ADD3: variants seen among roughly 807,000 people sequenced by gnomAD.
The protein encoded by ADD3 is gamma-adducin.
A neutral mutation model predicts 80.2 loss-of-function variants in ADD3; 25 were observed. That is an observed-to-expected ratio of 0.31 (90% CI 0.23 to 0.44). ADD3 has a LOEUF of 0.44. ADD3 is among the 20% of genes least tolerant of loss of function. ADD3 has a pLI of 1.00. For synonymous variants in ADD3, 284 were observed against 289.6 expected, an observed-to-expected ratio of 0.98 and a Z score of 0.20; for missense variants, 829 against 847.5, an observed-to-expected ratio of 0.98 and a Z score of 0.27.
intron 13 of ADD3, among the ~76,000 whole-genome samples, chr10:110,130,717 A>G (rs556532574): frequency 1.3e-5 from 2 of 152,204 alleles, no homozygotes; most frequent in African/African-American, 2.4e-5. Context: ...TTAGCCGGGC[A>G]TGGTGGTACA....
chr10:110,083,675 A>T (rs183470252), intron 1 of ADD3, among the ~76,000 whole-genome samples: 6 of 152,138 alleles, frequency 3.9e-5, no homozygotes, highest in Non-Finnish European at 7.4e-5. Context: ...TAGAAGCCCC[A>T]GGCTGATAGC....
intron 8 of ADD3, among the ~76,000 whole-genome samples, chr10:110,121,484 C>CAATA (rs999962822): frequency 4.0e-4 from 60 of 151,482 alleles, no homozygotes; most frequent in Admixed American, 1.8e-3. Flanking sequence ...ACTCAGTCCT[C>CAATA]AATAAATAAA....
upstream of ADD3, among the ~76,000 whole-genome samples, chr10:110,006,842 T>A (rs548334782): frequency 1.3e-5 from 2 of 151,540 alleles, no homozygotes; most frequent in African/African-American, 4.9e-5. Flanking sequence ...TTGTCGCCAG[T>A]GCCTTGGAAA....
intron 1 of ADD3, among the ~76,000 whole-genome samples, chr10:110,009,089 A>G (rs1339526956): frequency 6.6e-6 from 1 of 152,288 alleles, no homozygotes; most frequent in Middle Eastern, 3.4e-3. Context: ...CAGAGATTTA[A>G]TTGCAAGTAG....
chr10:110,107,093 TGA>T (rs1849476545), intron 2 of ADD3, among the ~76,000 whole-genome samples: 1 of 152,074 alleles, frequency 6.6e-6, no homozygotes, highest in African/African-American at 2.4e-5. Flanking sequence ...AATTGAGCAC[TGA>T]ACTACACACT....
At chr10:110,116,913 A>G (rs1590195037) in intron 4 of ADD3, among the ~76,000 whole-genome samples, 1 of 152,252 alleles carries the variant, frequency 6.6e-6, no homozygotes, top group African/African-American at 2.4e-5. Flanking sequence ...CAGTCCATCA[A>G]GAATCTTTCT....
At position 110,009,260 on chromosome 10, in the gene ADD3, T is replaced by C. The variant is rs114049247; in HGVS notation, c.-30+961T>C. Reference sequence around the variant, plus strand: ...GGAAGGAATTGATAAGATTCTGGGGTATGGGACTAGCTACATACACGTGCG... The same window carrying C: ...GGAAGGAATTGATAAGATTCTGGGGCATGGGACTAGCTACATACACGTGCG... On this transcript the variant is annotated intron_variant, in intron 1 of 14. Coordinates refer to ENST00000356080, the MANE Select transcript of ADD3 (RefSeq NM_016824.5). Among the ~76,000 whole-genome samples, 1,161 of 152,146 alleles carry C rather than the reference T, an allele frequency of 7.6e-3. 17 individuals are homozygous for C. The highest frequency in any genetic ancestry group is 0.027 in the African/African-American group (1,108 of 41,506).
chr10:110,043,404 G>C (rs1856584395), intron 1 of ADD3, among the ~76,000 whole-genome samples: 1 of 151,954 alleles, frequency 6.6e-6, no homozygotes, highest in Non-Finnish European at 1.5e-5. Flanking sequence ...GTTGCATTTG[G>C]ATGTTTCTAG....
intron 1 of ADD3, among the ~76,000 whole-genome samples, chr10:110,063,784 A>ATAG (rs1230336153): frequency 9.4e-5 from 5 of 53,282 alleles, no homozygotes; most frequent in Admixed American, 6.1e-4. Context: ...TATATATATA[A>ATAG]AGTGAACACC....
chr10:110,096,421 A>G (rs1848161346), intron 1 of ADD3, among the ~76,000 whole-genome samples: 1 of 152,234 alleles, frequency 6.6e-6, no homozygotes, highest in South Asian at 2.1e-4. Context: ...TTACAGCACC[A>G]GTAACACCAG....
At chr10:110,004,384 A>G (rs1481564887), upstream of ADD3, among the ~76,000 whole-genome samples, 3 of 151,966 alleles carry the variant, frequency 2.0e-5, no homozygotes, top group Non-Finnish European at 4.4e-5. Context: ...AATACATAAA[A>G]TTAGCTGGGT....
chr10:110,083,815 G>C (rs1365844789), intron 1 of ADD3, among the ~76,000 whole-genome samples: 1 of 152,092 alleles, frequency 6.6e-6, no homozygotes, highest in Non-Finnish European at 1.5e-5. Flanking sequence ...AAGGATCCCA[G>C]GGTTGTAGTA....
At chr10:110,079,115 G>C (rs2501578) in intron 1 of ADD3, 90,668 of 151,860 alleles carry the variant, frequency 0.6, 30,581 homozygotes, top group African/African-American at 0.89. Context: ...AGAACTAATA[G>C]ACATACCATG....
chr10:110,021,162 A>T (rs534474742), intron 1 of ADD3, among the ~76,000 whole-genome samples: 6 of 152,188 alleles, frequency 3.9e-5, no homozygotes, highest in Non-Finnish European at 8.8e-5. Context: ...ATCTTATAAA[A>T]CCTTGAATTT....
chr10:110,117,310 T>G (rs936527880), intron 4 of ADD3, 32 bp from the exon 5 acceptor site: 2 of 1,184,654 alleles, frequency 1.7e-6, no homozygotes, highest in African/African-American at 3.0e-5. Flanking sequence ...ATGAACCACT[T>G]CATAGTAATT....
intron 13 of ADD3, among the ~76,000 whole-genome samples, chr10:110,130,837 CAGAG>C (rs1206980281): frequency 7.0e-6 from 1 of 143,548 alleles, no homozygotes; most frequent in Non-Finnish European, 1.5e-5. Context: ...GCCTGGGCGA[CAGAG>C]AGAGACTCCG....
intron 8 of ADD3, among the ~76,000 whole-genome samples, chr10:110,121,328 A>G (rs10884928): frequency 0.13 from 20,014 of 151,988 alleles, 4,241 homozygotes; most frequent in African/African-American, 0.45. Flanking sequence ...TACTAAAAAT[A>G]CAAAATTAAC....
intron 1 of ADD3, among the ~76,000 whole-genome samples, chr10:110,060,451 A>G (rs1330896663): frequency 6.6e-6 from 1 of 152,216 alleles, no homozygotes; most frequent in African/African-American, 2.4e-5. Flanking sequence ...AAGCACTTGG[A>G]TATTTTAGCC....
intron 1 of ADD3, among the ~76,000 whole-genome samples, chr10:110,093,637 G>GTAGT (rs980004021): frequency 1.2e-4 from 18 of 152,152 alleles, no homozygotes; most frequent in African/African-American, 4.3e-4. Context: ...TACCTTGCAT[G>GTAGT]TAGTTCCTTT....
Sources: gnomAD v4.1 joint callset for allele counts (sites outside exome capture counted in the v4.1 genomes callset) on GRCh38, gnomAD v4.1.1 for gene constraint, MANE v1.5 for transcripts, NCBI Gene and HGNC (gene_info 2026-07-23, HGNC 2026-07-21) for gene names.